PLAA: variants seen among roughly 807,000 people sequenced by gnomAD.
The protein encoded by PLAA is phospholipase A2 activating protein, also known as phospholipase A-2-activating protein.
A neutral mutation model predicts 84.1 loss-of-function variants in PLAA; 48 were observed. That is an observed-to-expected ratio of 0.57 (90% confidence interval 0.45 to 0.73). The LOEUF (loss-of-function observed/expected upper bound fraction) is 0.73, where lower values mean the gene tolerates loss of function less well. PLAA is among the 30% of genes least tolerant of loss of function. The pLI, the probability that PLAA is intolerant of heterozygous loss-of-function variation, is 0.00. For synonymous variants in PLAA, 392 were observed against 336.6 expected, an observed-to-expected ratio of 1.16 and a Z score of -1.80; for missense variants, 903 against 954.7, an observed-to-expected ratio of 0.95 and a Z score of 0.71.
At chr9:26,908,637 G>T (rs756869516) in intron 12 of PLAA, among the ~76,000 whole-genome samples, 6 of 151,886 alleles carry the variant, frequency 4.0e-5, no homozygotes, top group Non-Finnish European at 7.4e-5. Context: ...GCTAATTTTT[G>T]TATTTTTAGT....
chr9:26,924,486 C>T (rs59175724), intron 6 of PLAA, among the ~76,000 whole-genome samples: 11,446 of 152,082 alleles, frequency 0.075, 495 homozygotes, highest in Middle Eastern at 0.16. Flanking sequence ...TATGATCCTT[C>T]GTCCATCTCC....
At chr9:26,935,521 T>G (rs1473827330) in intron 1 of PLAA, among the ~76,000 whole-genome samples, 1 of 152,196 alleles carries the variant, frequency 6.6e-6, no homozygotes, top group Non-Finnish European at 1.5e-5. Flanking sequence ...TTCTACACAT[T>G]AGTGACTGTT....
At chr9:26,940,324 G>A (rs1237685090) in intron 1 of PLAA, among the ~76,000 whole-genome samples, 2 of 152,218 alleles carry the variant, frequency 1.3e-5, no homozygotes, top group East Asian at 3.8e-4. Context: ...CCTTAAAAAG[G>A]AGGGAAATTC....
chr9:26,910,218 A>G, intron 12 of PLAA, 120 bp downstream of exon 12: 1 of 651,704 alleles, frequency 1.5e-6, no homozygotes. Flanking sequence ...TTAATACTGC[A>G]ATAGAAATAT....
chr9:26,925,703 T>C (rs1416333171), intron 6 of PLAA, 122 bp downstream of exon 6: 10 of 739,808 alleles, frequency 1.4e-5, no homozygotes, highest in Admixed American at 7.4e-5. Flanking sequence ...TGTTTAGTAA[T>C]TGAAGTGTCC....
At chr9:26,923,566 T>C (rs898053123) in intron 6 of PLAA, among the ~76,000 whole-genome samples, 2 of 152,236 alleles carry the variant, frequency 1.3e-5, no homozygotes, top group Non-Finnish European at 2.9e-5. Context: ...CAGAGAAACA[T>C]GTATTTTATA....
intron 9 of PLAA, 87 bp from the exon 10 acceptor site, chr9:26,917,252 C>T: frequency 1.9e-6 from 2 of 1,030,894 alleles, no homozygotes; most frequent in Non-Finnish European, 3.0e-6. Context: ...GAAGAACCTA[C>T]ATTTGGAGAA....
intron 1 of PLAA, among the ~76,000 whole-genome samples, chr9:26,936,790 C>A (rs1192205329): frequency 2.6e-5 from 4 of 152,132 alleles, no homozygotes; most frequent in African/African-American, 9.7e-5. Flanking sequence ...TTGCACCTCC[C>A]CCGGTTGATG....
At chr9:26,934,452 C>T (rs188521274) in intron 2 of PLAA, among the ~76,000 whole-genome samples, 4 of 149,852 alleles carry the variant, frequency 2.7e-5, no homozygotes, top group South Asian at 2.1e-4. Context: ...ATTATATAGC[C>T]TCTTTTATTA....
chr9:26,924,864 T>C (rs1053104791), intron 6 of PLAA, among the ~76,000 whole-genome samples: 8 of 152,210 alleles, frequency 5.3e-5, no homozygotes, highest in Non-Finnish European at 1.0e-4. Flanking sequence ...ATCTTTATCT[T>C]AGCCTCAGTT....
chr9:26,936,883 G>C (rs1435028263), intron 1 of PLAA, among the ~76,000 whole-genome samples: 1 of 152,144 alleles, frequency 6.6e-6, no homozygotes, highest in Non-Finnish European at 1.5e-5. Context: ...GCTCATGCGT[G>C]TAATCCTAGC....
At chr9:26,919,273 T>C (rs765440056) in intron 9 of PLAA, 37 bp downstream of exon 9, 24 of 1,299,128 alleles carry the variant, frequency 1.8e-5, no homozygotes, top group Non-Finnish European at 2.3e-5. Context: ...TCAACACTAA[T>C]GGAACTACAT....
At chr9:26,935,329 G>C in intron 1 of PLAA, 123 bp from the exon 2 acceptor site, 1 of 510,794 alleles carries the variant, frequency 2.0e-6, no homozygotes, top group Non-Finnish European at 3.3e-6. Context: ...ACTATCTTAA[G>C]AATCTATTGT....
At chr9:26,917,289 A>T (rs1824594472) in intron 9 of PLAA, 124 bp from the exon 10 acceptor site, 1 of 687,888 alleles carries the variant, frequency 1.5e-6, no homozygotes, top group South Asian at 1.8e-5. Flanking sequence ...CTTTCACATG[A>T]TAGAATGACA....
chr9:26,908,228 C>CAT (rs1824297908), intron 12 of PLAA, among the ~76,000 whole-genome samples: 2 of 146,012 alleles, frequency 1.4e-5, no homozygotes, highest in South Asian at 2.1e-4. Flanking sequence ...AGTGCAGTGG[C>CAT]GCCATCTTGG....
At position 26,905,290 on chromosome 9, in the gene PLAA, T is replaced by G. The variant is rs973013656; in HGVS notation, c.*221A>C. The G allele has an allele frequency of 1.2e-5, 6 of 508,154 alleles. No homozygotes were observed. The highest frequency in any genetic ancestry group is 5.8e-5 in the African/African-American group (3 of 51,578). The allele number at this position is 508,154 out of a possible 1,614,324, so 31.5% of individuals were successfully genotyped here. Reference sequence around the variant, plus strand: ...TGCTGATTATAGCTTATTTTAAATTTGTGTTCACACTCTTGAAAATCTACC... The same window carrying G: ...TGCTGATTATAGCTTATTTTAAATTGGTGTTCACACTCTTGAAAATCTACC... On this transcript the variant is annotated 3_prime_UTR_variant, in exon 14 of 14. Coordinates refer to ENST00000397292, the MANE Select transcript of PLAA (RefSeq NM_001031689.3).
chr9:26,916,336 A>G, intron 10 of PLAA: 1 of 987,020 alleles, frequency 1.0e-6, no homozygotes, highest in Non-Finnish European at 1.2e-6. Context: ...AGCATTATAC[A>G]AGATATCAAA....
At chr9:26,932,046 C>T (rs1217302012) in intron 2 of PLAA, among the ~76,000 whole-genome samples, 1 of 152,292 alleles carries the variant, frequency 6.6e-6, no homozygotes, top group East Asian at 1.9e-4. Flanking sequence ...GAAGATTGCA[C>T]CACTGCACTC....
chr9:26,936,525 G>A (rs1042136259), intron 1 of PLAA, among the ~76,000 whole-genome samples: 3 of 152,152 alleles, frequency 2.0e-5, no homozygotes, highest in African/African-American at 7.2e-5. Flanking sequence ...AACTTCTAGG[G>A]GAAGGCTTGG....
Sources: gnomAD v4.1 joint callset for allele counts (sites outside exome capture counted in the v4.1 genomes callset) on GRCh38, gnomAD v4.1.1 for gene constraint, MANE v1.5 for transcripts, NCBI Gene and HGNC (gene_info 2026-07-23, HGNC 2026-07-21) for gene names.